TENT5D: variants seen among roughly 807,000 people sequenced by gnomAD.
The protein encoded by TENT5D is terminal nucleotidyltransferase 5D.
For synonymous variants in TENT5D, 103 were observed against 100.6 expected, an observed-to-expected ratio of 1.02 and a Z score of -0.15; for missense variants, 191 against 287.0, an observed-to-expected ratio of 0.67 and a Z score of 2.42.
intron 3 of TENT5D, among the ~76,000 whole-genome samples, chrX:80,400,096 A>T (rs980102917): frequency 9.0e-6 from 1 of 111,368 alleles, no homozygotes; most frequent in South Asian, 3.8e-4. Flanking sequence ...AGGCTCCAGA[A>T]CCAGGGAAGC....
intron 3 of TENT5D, among the ~76,000 whole-genome samples, chrX:80,357,329 A>G (rs1930304904): frequency 1.8e-5 from 2 of 109,200 alleles, no homozygotes; most frequent in Admixed American, 9.9e-5. Flanking sequence ...TCCCTGAGGA[A>G]TCGCCACACT....
At chrX:80,423,534 C>T (rs2147560878) in intron 1 of TENT5D, among the ~76,000 whole-genome samples, 1 of 110,318 alleles carries the variant, frequency 9.1e-6, no homozygotes, top group South Asian at 4.0e-4. Flanking sequence ...TTAGCTTGGT[C>T]TGGGACCAAT....
intron 1 of TENT5D, among the ~76,000 whole-genome samples, chrX:80,425,346 G>C (rs1931969085): frequency 8.9e-6 from 1 of 112,191 alleles, no homozygotes; most frequent in Non-Finnish European, 1.9e-5. Flanking sequence ...ACAAGGATTA[G>C]CAATATTTTA....
intron 3 of TENT5D, among the ~76,000 whole-genome samples, chrX:80,351,811 G>A (rs773151609): frequency 8.9e-6 from 1 of 111,845 alleles, no homozygotes; most frequent in East Asian, 2.9e-4. Context: ...CTTTGAGGTT[G>A]ATGACCTTGG....
intron 3 of TENT5D, among the ~76,000 whole-genome samples, chrX:80,371,597 G>A (rs1930625626): frequency 1.8e-5 from 2 of 112,186 alleles, no homozygotes. Flanking sequence ...TTCTCCTTCA[G>A]CACTTGCTTC....
chrX:80,397,465 G>T (rs1931297736), intron 3 of TENT5D, among the ~76,000 whole-genome samples: 1 of 107,488 alleles, frequency 9.3e-6, no homozygotes, highest in East Asian at 3.0e-4. Flanking sequence ...CAGGCAGAGG[G>T]GCTCCTCACG....
chrX:80,364,985 C>T (rs1258298575), intron 3 of TENT5D, among the ~76,000 whole-genome samples: 1 of 110,125 alleles, frequency 9.1e-6, no homozygotes, highest in East Asian at 2.8e-4. Flanking sequence ...TTTTCTTTAT[C>T]AGGATGGAGA....
At chrX:80,425,342 A>G (rs1931968962) in intron 1 of TENT5D, among the ~76,000 whole-genome samples, 1 of 112,467 alleles carries the variant, frequency 8.9e-6, no homozygotes, top group Non-Finnish European at 1.9e-5. Flanking sequence ...AAAAACAAGG[A>G]TTAGCAATAT....
chrX:80,409,244 G>A (rs1298852567), intron 3 of TENT5D, among the ~76,000 whole-genome samples: 1 of 111,022 alleles, frequency 9.0e-6, no homozygotes, highest in Non-Finnish European at 1.9e-5. Flanking sequence ...GGAAGTTCTG[G>A]CCAGGGCAAT....
chrX:80,365,607 G>A lies in TENT5D; in HGVS notation c.-142+23043G>A, dbSNP rs559889339. 2.7e-3 allele frequency among the ~76,000 whole-genome samples: 295 copies of A among 111,011 alleles called. 1 individual carries two copies. Among genetic ancestry groups the A allele is most frequent in the Non-Finnish European group, 4.0e-3 (212 of 53,030 alleles). On this transcript the variant is annotated intron_variant, in intron 3 of 4. Coordinates refer to the TENT5D transcript ENST00000538312. ...TGTAATCCCAGCACTTTAGGAGGCC[G>A]AGGCGGGTGGATCACTTGAGGTCAG...
At chrX:80,410,288 C>T (rs1931621594) in intron 3 of TENT5D, among the ~76,000 whole-genome samples, 1 of 100,585 alleles carries the variant, frequency 9.9e-6, no homozygotes, top group African/African-American at 3.7e-5. Context: ...AAAGAAACTA[C>T]CATCAGAGTG....
intron 3 of TENT5D, among the ~76,000 whole-genome samples, chrX:80,397,812 G>T (rs923208768): frequency 2.7e-5 from 3 of 112,178 alleles, no homozygotes; most frequent in Non-Finnish European, 5.7e-5. Context: ...GCCTGCAATC[G>T]CAGGCACTCG....
At chrX:80,435,005 G>C (rs373899882) in intron 1 of TENT5D, among the ~76,000 whole-genome samples, 9 of 109,580 alleles carry the variant, frequency 8.2e-5, no homozygotes, top group Non-Finnish European at 1.7e-4. Flanking sequence ...GGATAGTCTC[G>C]ATCTCCTGAC....
intron 1 of TENT5D, among the ~76,000 whole-genome samples, chrX:80,422,505 T>C (rs1345215433): frequency 9.0e-6 from 1 of 111,285 alleles, no homozygotes; most frequent in Non-Finnish European, 1.9e-5. Context: ...TATCTTTCTT[T>C]AATGGCCCCT....
chrX:80,408,584 G>C (rs1159577294), intron 3 of TENT5D, among the ~76,000 whole-genome samples: 1 of 110,416 alleles, frequency 9.1e-6, no homozygotes, highest in African/African-American at 3.3e-5. Flanking sequence ...AATAACACGA[G>C]CTGAAATTGT....
chrX:80,344,948 C>G (rs759369347), intron 3 of TENT5D, among the ~76,000 whole-genome samples: 3 of 111,243 alleles, frequency 2.7e-5, no homozygotes, highest in Non-Finnish European at 3.8e-5. Context: ...ATGTCAGTAC[C>G]TCTTATATGT....
exon 3 of TENT5D, chrX:80,445,041 A>C (rs1306221411): frequency 8.2e-6 from 1 of 122,181 alleles, no homozygotes; most frequent in Non-Finnish European, 1.9e-5. Context: ...GTTTTCTATC[A>C]CAACATGACC....
intron 3 of TENT5D, among the ~76,000 whole-genome samples, chrX:80,378,204 G>A (rs1027351309): frequency 3.1e-4 from 35 of 111,493 alleles, no homozygotes; most frequent in African/African-American, 1.1e-3. Context: ...CACTCTGATG[G>A]CAGTTTCTTT....
chrX:80,375,081 C>A lies in TENT5D; in HGVS notation c.-142+32517C>A, dbSNP rs1261298249. ...CATGCATGCTTTGTGTATTCCATTT[C>A]TGTTCTTTCATTGCTATTGTCTTGC... On this transcript the variant is annotated intron_variant, in intron 3 of 4. Coordinates refer to the TENT5D transcript ENST00000538312. Among the ~76,000 whole-genome samples the A allele has an allele frequency of 8.1e-5, 9 of 111,276 alleles. No individual in the cohort carries two copies. In the Admixed American group the frequency reaches 8.7e-4, roughly 11 times the overall value.
Sources: allele counts gnomAD v4.1 joint callset (sites outside exome capture counted in the v4.1 genomes callset), GRCh38; gene constraint gnomAD v4.1.1; transcripts MANE v1.5; gene names NCBI Gene and HGNC (gene_info 2026-07-23, HGNC 2026-07-21).